The following PTPRD variants were observed in gnomAD, a reference collection of about 807,000 sequenced individuals.
The protein encoded by PTPRD is receptor-type tyrosine-protein phosphatase delta.
PTPRD carries 34 observed loss-of-function variants against 214.5 expected under a neutral mutation model. That is an observed-to-expected ratio of 0.16 (90% CI 0.12 to 0.21). PTPRD has a LOEUF of 0.21. Ranked by LOEUF, PTPRD falls within the 10% of genes least tolerant of loss-of-function variation. The probability of loss-of-function intolerance (pLI) is 1.00; values close to 1 mark genes in which losing one functional copy is unlikely to be tolerated. For synonymous variants in PTPRD, 1,128 were observed against 845.7 expected, an observed-to-expected ratio of 1.33 and a Z score of -5.79; for missense variants, 2,545 against 2,398.7, an observed-to-expected ratio of 1.06 and a Z score of -1.27.
chr9:9,674,757 G>A (rs2096897479), intron 7 of PTPRD, among the ~76,000 whole-genome samples: 3 of 151,686 alleles, frequency 2.0e-5, no homozygotes, highest in African/African-American at 7.2e-5. Context: ...TTACTGGGAA[G>A]ATGTACAATT....
intron 3 of PTPRD, among the ~76,000 whole-genome samples, chr9:10,211,870 G>A (rs2099518830): frequency 6.6e-6 from 1 of 152,048 alleles, no homozygotes; most frequent in South Asian, 2.1e-4. Context: ...TTCAGGTGAT[G>A]GTTGCACTAA....
chr9:9,676,492 T>C (rs1052722995), intron 7 of PTPRD, among the ~76,000 whole-genome samples: 3 of 152,094 alleles, frequency 2.0e-5, no homozygotes, highest in Admixed American at 2.0e-4. Context: ...TTCCATGGTG[T>C]ATATGTGCCA....
chr9:9,678,113 G>C (rs1197526247), intron 7 of PTPRD, among the ~76,000 whole-genome samples: 1 of 152,056 alleles, frequency 6.6e-6, no homozygotes, highest in Non-Finnish European at 1.5e-5. Flanking sequence ...TGGGTAGGAA[G>C]AATCAATATC....
intron 5 of PTPRD, among the ~76,000 whole-genome samples, chr9:9,833,375 T>C (rs1183375655): frequency 6.7e-6 from 1 of 150,030 alleles, no homozygotes; most frequent in East Asian, 2.0e-4. Context: ...GGGGAGGGAG[T>C]ATACGAATAG....
chr9:9,455,216 ATATAT>A (rs2092815301), intron 8 of PTPRD, among the ~76,000 whole-genome samples: 1 of 151,544 alleles, frequency 6.6e-6, no homozygotes, highest in Admixed American at 6.6e-5. Flanking sequence ...TGTTTAACAG[ATATAT>A]TAGATGACAT....
At chr9:10,479,658 T>TAAATAAATAAATAAACAAACAAACAAAC (rs141946645) in intron 2 of PTPRD, among the ~76,000 whole-genome samples, 3 of 145,812 alleles carry the variant, frequency 2.1e-5, no homozygotes. Flanking sequence ...AATAAATAAA[T>TAAATAAATAAATAAACAAACAAACAAAC]AAACAAAAAT....
intron 5 of PTPRD, among the ~76,000 whole-genome samples, chr9:9,771,731 T>G (rs973812363): frequency 3.9e-5 from 6 of 152,200 alleles, no homozygotes; most frequent in African/African-American, 1.4e-4. Context: ...CATTCTGTAT[T>G]CCAAAGAAAG....
chr9:9,760,187 TC>T, intron 6 of PTPRD, among the ~76,000 whole-genome samples: 1 of 152,208 alleles, frequency 6.6e-6, no homozygotes, highest in South Asian at 2.1e-4. Flanking sequence ...TTTTCCTGTC[TC>T]CCCGGGTCTA....
chr9:8,382,714 C>A (rs1393956703), intron 37 of PTPRD, among the ~76,000 whole-genome samples: 1 of 152,280 alleles, frequency 6.6e-6, no homozygotes, highest in African/African-American at 2.4e-5. Flanking sequence ...TTGTTGCCAG[C>A]GTCCTATTTA....
intron 44 of PTPRD, among the ~76,000 whole-genome samples, chr9:8,328,608 ATATCCTG>A (rs1836453248): frequency 6.1e-5 from 3 of 49,358 alleles, no homozygotes; most frequent in Non-Finnish European, 9.5e-5. Context: ...TAATATCCTG[ATATCCTG>A]AAGAGTTTTC....
At chr9:8,811,105 C>G (rs7034293) in intron 11 of PTPRD, among the ~76,000 whole-genome samples, 120,079 of 152,154 alleles carry the variant, frequency 0.79, 48,152 homozygotes, top group African/African-American at 0.94. Flanking sequence ...ATCTGACTTA[C>G]GGCACAAAAA....
At chr9:10,214,534 C>A (rs1215184154) in intron 3 of PTPRD, among the ~76,000 whole-genome samples, 1 of 151,580 alleles carries the variant, frequency 6.6e-6, no homozygotes, top group Non-Finnish European at 1.5e-5. Context: ...CCTCAGCCTC[C>A]CAAAGTGCTA....
At chr9:9,534,787 C>T (rs533254334) in intron 8 of PTPRD, among the ~76,000 whole-genome samples, 5 of 151,940 alleles carry the variant, frequency 3.3e-5, no homozygotes, top group African/African-American at 1.2e-4. Flanking sequence ...TTATCTATGT[C>T]CTTCTTATTT....
chr9:9,246,888 G>T (rs182009882), intron 9 of PTPRD, among the ~76,000 whole-genome samples: 1 of 152,046 alleles, frequency 6.6e-6, no homozygotes, highest in Admixed American at 6.6e-5. Context: ...TGGCACTTTG[G>T]CATGCTGAGT....
chr9:9,748,486 T>C (rs893633016), intron 6 of PTPRD, among the ~76,000 whole-genome samples: 7 of 152,222 alleles, frequency 4.6e-5, no homozygotes, highest in African/African-American at 1.4e-4. Context: ...ATTCAACTTA[T>C]TTTGAAAACA....
intron 21 of PTPRD, among the ~76,000 whole-genome samples, chr9:8,510,258 C>T (rs894884357): frequency 1.3e-5 from 2 of 152,126 alleles, no homozygotes; most frequent in Non-Finnish European, 2.9e-5. Context: ...AGCCACTGCA[C>T]ACCACCCTGG....
At chr9:9,769,585 C>T (rs1301169271) in intron 5 of PTPRD, among the ~76,000 whole-genome samples, 1 of 151,652 alleles carries the variant, frequency 6.6e-6, no homozygotes, top group Admixed American at 6.6e-5. Context: ...CTTGGCCTCC[C>T]AAAGTGCTGG....
At chr9:8,911,997 A>G (rs77359001) in intron 11 of PTPRD, among the ~76,000 whole-genome samples, 2,878 of 152,288 alleles carry the variant, frequency 0.019, 96 homozygotes, top group African/African-American at 0.065. Context: ...CAAAAAGACT[A>G]ACAGTAACAA....
chr9:8,766,237 G>C (rs1210616330), intron 11 of PTPRD, among the ~76,000 whole-genome samples: 2 of 151,770 alleles, frequency 1.3e-5, no homozygotes, highest in Admixed American at 6.6e-5. Flanking sequence ...TCTTTGTGGA[G>C]TGTGTGCATA....
Sources: allele counts gnomAD v4.1 joint callset (sites outside exome capture counted in the v4.1 genomes callset), GRCh38; gene constraint gnomAD v4.1.1; transcripts MANE v1.5; gene names NCBI Gene and HGNC (gene_info 2026-07-23, HGNC 2026-07-21).